GRIA1: variants seen among roughly 807,000 people sequenced by gnomAD.
The protein encoded by GRIA1 is glutamate ionotropic receptor AMPA type subunit 1.
Under a neutral mutation model 99.2 loss-of-function variants are expected in GRIA1, and 31 were observed. The ratio of observed to expected loss-of-function variants is 0.31; its 90% CI spans 0.23 to 0.42. The LOEUF (loss-of-function observed/expected upper bound fraction) is 0.42, where lower values mean the gene tolerates loss of function less well. Ranked by LOEUF, GRIA1 falls within the 10% of genes least tolerant of loss-of-function variation. The pLI, the probability that GRIA1 is intolerant of heterozygous loss-of-function variation, is 1.00. For missense variants in GRIA1, 782 were observed against 1,157.5 expected (o/e 0.68, Z 4.71); for synonymous variants, 438 against 432.4 (o/e 1.01, Z -0.16).
chr5:153,644,467 T>C (rs996860059), intron 2 of GRIA1, among the ~76,000 whole-genome samples: 2 of 152,134 alleles, frequency 1.3e-5, no homozygotes, highest in Non-Finnish European at 2.9e-5. Flanking sequence ...TCATATGCCC[T>C]CATCAAGCAC....
chr5:153,644,280 G>A (rs1264651202), intron 2 of GRIA1, among the ~76,000 whole-genome samples: 1 of 152,172 alleles, frequency 6.6e-6, no homozygotes, highest in Non-Finnish European at 1.5e-5. Flanking sequence ...AGTGCCTATT[G>A]TGGGCTGTGG....
intron 2 of GRIA1, among the ~76,000 whole-genome samples, chr5:153,579,419 A>G (rs1762853135): frequency 6.6e-6 from 1 of 152,178 alleles, no homozygotes; most frequent in African/African-American, 2.4e-5. Flanking sequence ...AGATAATATG[A>G]TGAGTGAGGC....
chr5:153,594,788 C>T (rs1011040280), intron 2 of GRIA1, among the ~76,000 whole-genome samples: 1 of 151,728 alleles, frequency 6.6e-6, no homozygotes, highest in African/African-American at 2.4e-5. Context: ...ACTTTGTCTT[C>T]TTCAGAGTCC....
intron 2 of GRIA1, among the ~76,000 whole-genome samples, chr5:153,598,609 A>G (rs1214468626): frequency 6.6e-6 from 1 of 152,168 alleles, no homozygotes; most frequent in African/African-American, 2.4e-5. Flanking sequence ...AATCTTACTT[A>G]TTAGCCTCCC....
At chr5:153,600,034 G>A (rs1334294858) in intron 2 of GRIA1, among the ~76,000 whole-genome samples, 2 of 152,126 alleles carry the variant, frequency 1.3e-5, no homozygotes, top group African/African-American at 4.8e-5. Context: ...GCACCTTGTT[G>A]CCAAATAGCG....
chr5:153,781,726 GTC>G (rs67881741), intron 13 of GRIA1, among the ~76,000 whole-genome samples: 54,519 of 151,864 alleles, frequency 0.36, 10,930 homozygotes, highest in East Asian at 0.92. Context: ...CAACTTGTAG[GTC>G]TCTTTGGCCA....
intron 5 of GRIA1, among the ~76,000 whole-genome samples, chr5:153,662,981 C>T (rs796229913): frequency 6.6e-6 from 1 of 152,134 alleles, no homozygotes; most frequent in East Asian, 1.9e-4. Flanking sequence ...CCTCACTGTT[C>T]GGTAACAGAC....
At chr5:153,635,743 G>A (rs1338555278) in intron 2 of GRIA1, among the ~76,000 whole-genome samples, 1 of 152,138 alleles carries the variant, frequency 6.6e-6, no homozygotes, top group East Asian at 1.9e-4. Context: ...GTAGAGCCTT[G>A]GCCTCAAAGG....
intron 2 of GRIA1, among the ~76,000 whole-genome samples, chr5:153,624,260 G>A (rs1310153800): frequency 6.6e-6 from 1 of 152,196 alleles, no homozygotes; most frequent in Non-Finnish European, 1.5e-5. Context: ...TTGTCCCCAG[G>A]AAGAATGTTG....
intron 2 of GRIA1, among the ~76,000 whole-genome samples, chr5:153,590,506 ATGTGTG>A (rs5872325): frequency 0.032 from 4,662 of 147,878 alleles, 203 homozygotes; most frequent in African/African-American, 0.097. Flanking sequence ...AGCTATTGAA[ATGTGTG>A]TGTGTGTGTG....
chr5:153,633,390 C>T (rs531112016), intron 2 of GRIA1, among the ~76,000 whole-genome samples: 29 of 152,234 alleles, frequency 1.9e-4, no homozygotes, highest in African/African-American at 7.0e-4. Flanking sequence ...AAATGTCTTC[C>T]GGAATTCTGT....
At chr5:153,805,632 C>G (rs1766374137) in intron 15 of GRIA1, among the ~76,000 whole-genome samples, 1 of 152,166 alleles carries the variant, frequency 6.6e-6, no homozygotes, top group East Asian at 1.9e-4. Flanking sequence ...TAATCATAAC[C>G]AGTGCCAGGT....
intron 2 of GRIA1, among the ~76,000 whole-genome samples, chr5:153,556,296 A>C (rs1291912040): frequency 1.3e-5 from 2 of 152,054 alleles, no homozygotes; most frequent in African/African-American, 4.8e-5. Flanking sequence ...TATGGCCAAG[A>C]AAGGAGAGGC....
intron 11 of GRIA1, among the ~76,000 whole-genome samples, chr5:153,715,884 G>A (rs6861449): frequency 1.9e-4 from 29 of 152,234 alleles, no homozygotes; most frequent in African/African-American, 7.0e-4. Context: ...ATTTAATCAA[G>A]AGAAAATCGG....
chr5:153,641,625 T>C (rs1048413988), intron 2 of GRIA1, among the ~76,000 whole-genome samples: 5 of 152,186 alleles, frequency 3.3e-5, no homozygotes, highest in Non-Finnish European at 7.4e-5. Context: ...GCTCCCTGAA[T>C]GCTCTCTCTA....
At chr5:153,505,384 G>A (rs1384738316) in intron 2 of GRIA1, among the ~76,000 whole-genome samples, 1 of 152,130 alleles carries the variant, frequency 6.6e-6, no homozygotes, top group Non-Finnish European at 1.5e-5. Flanking sequence ...CTTCATTAAT[G>A]TCACATTTGG....
chr5:153,514,671 A>G (rs1018578945), intron 2 of GRIA1, among the ~76,000 whole-genome samples: 1 of 152,042 alleles, frequency 6.6e-6, no homozygotes, highest in Non-Finnish European at 1.5e-5. Context: ...GCTGTTTGGG[A>G]TTTTTTTGTA....
chr5:153,607,984 CT>C (rs1765604275), intron 2 of GRIA1, among the ~76,000 whole-genome samples: 1 of 150,678 alleles, frequency 6.6e-6, no homozygotes, highest in Non-Finnish European at 1.5e-5. Flanking sequence ...TTTTCTTTTT[CT>C]TTGCATCAAA....
intron 2 of GRIA1, among the ~76,000 whole-genome samples, chr5:153,497,552 C>G (rs1216654671): frequency 4.6e-5 from 7 of 152,032 alleles, no homozygotes; most frequent in Non-Finnish European, 1.0e-4. Flanking sequence ...ACAGTTTAGC[C>G]CAGAGGTTCA....
Sources: allele counts gnomAD v4.1 joint callset (sites outside exome capture counted in the v4.1 genomes callset), GRCh38; gene constraint gnomAD v4.1.1; transcripts MANE v1.5; gene names NCBI Gene and HGNC (gene_info 2026-07-23, HGNC 2026-07-21).